Variants in NXPH1 observed in about 807,000 individuals in gnomAD.
NXPH1 encodes the protein neurexophilin 1.
In NXPH1, 5 loss-of-function variants were observed where a neutral mutation model predicts 23.7. That is an observed-to-expected ratio of 0.21 (90% CI 0.11 to 0.44). The LOEUF is 0.44. Ranked by LOEUF, NXPH1 falls within the 20% of genes least tolerant of loss-of-function variation. The pLI is 0.99. For synonymous variants in NXPH1, 144 were observed against 122.2 expected (o/e 1.18, Z -1.18); for missense variants, 324 against 321.6 (o/e 1.01, Z -0.06).
At chr7:8,486,789 G>C (rs909083703) in intron 2 of NXPH1, among the ~76,000 whole-genome samples, 28 of 151,982 alleles carry the variant, frequency 1.8e-4, no homozygotes, top group African/African-American at 5.8e-4. Flanking sequence ...CTCTCTATCT[G>C]GATAGGTCTC....
chr7:8,544,358 T>C (rs1166427373), intron 2 of NXPH1, among the ~76,000 whole-genome samples: 1 of 151,552 alleles, frequency 6.6e-6, no homozygotes. Flanking sequence ...ACCACGATTG[T>C]GTCAATCAGA....
At chr7:8,461,395 A>G (rs1029444322) in intron 2 of NXPH1, among the ~76,000 whole-genome samples, 22 of 152,218 alleles carry the variant, frequency 1.4e-4, no homozygotes, top group Admixed American at 5.2e-4. Flanking sequence ...TAGAAAACAT[A>G]AAAGAATTAA....
chr7:8,751,144 G>C lies in NXPH1; in HGVS notation c.191G>C (p.Arg64Pro). 1 of 1,613,790 alleles carries C rather than the reference G, an allele frequency of 6.2e-7. No individual in the cohort carries two copies. Among genetic ancestry groups the C allele is most frequent in the Non-Finnish European group, 8.5e-7 (1 of 1,179,784 alleles). ...SISRLLSQTF[R>P]GKENDTDLDL... is the part of the protein sequence containing the mutation. ...AGCCGACTCCTGTCACAGACTTTTC[G>C]TGGCAAAGAGAATGATACAGATTTG... Residue 64 changes from arginine (R) to proline (P), a missense_variant, in exon 3 of 3, where the codon CGT (arginine) becomes CCT (proline). Physicochemically the swap from Arg to Pro is moderately radical, Grantham distance 103. Coordinates refer to ENST00000405863, the MANE Select transcript of NXPH1 (RefSeq NM_152745.3). This position sits in a 1 kb window ranked among gnomAD's most constrained non-coding sequence, Gnocchi z 4.5.
chr7:8,594,722 T>G (rs1179583342), intron 2 of NXPH1, among the ~76,000 whole-genome samples: 1 of 151,990 alleles, frequency 6.6e-6, no homozygotes, highest in East Asian at 1.9e-4. Flanking sequence ...TCTTTGGAAG[T>G]CGACTTGACT....
chr7:8,448,807 T>C (rs1008082045), intron 2 of NXPH1, among the ~76,000 whole-genome samples: 1 of 124,368 alleles, frequency 8.0e-6, no homozygotes, highest in Non-Finnish European at 1.6e-5. Context: ...AGAGCAAGAC[T>C]TCGTCTCGGG....
chr7:8,549,423 A>C (rs1432961787), intron 2 of NXPH1, among the ~76,000 whole-genome samples: 1 of 151,554 alleles, frequency 6.6e-6, no homozygotes, highest in Non-Finnish European at 1.5e-5. Context: ...CTTTATTCTG[A>C]GTAAGTATAC....
intron 2 of NXPH1, among the ~76,000 whole-genome samples, chr7:8,684,497 C>A (rs1441810031): frequency 6.6e-6 from 1 of 152,112 alleles, no homozygotes; most frequent in African/African-American, 2.4e-5. Flanking sequence ...GAAGGAGAAA[C>A]TGATGCTTGA....
At chr7:8,747,055 T>G (rs140904118) in intron 2 of NXPH1, among the ~76,000 whole-genome samples, 2 of 152,302 alleles carry the variant, frequency 1.3e-5, no homozygotes, top group African/African-American at 4.8e-5. Flanking sequence ...TTCCAGGTAC[T>G]GTCCTTAGTA....
intron 2 of NXPH1, among the ~76,000 whole-genome samples, chr7:8,736,456 T>A (rs1196191952): frequency 6.6e-6 from 1 of 152,254 alleles, no homozygotes; most frequent in African/African-American, 2.4e-5. Flanking sequence ...AGTTTCTTAA[T>A]CTTGAGTTCT....
At chr7:8,492,726 T>G (rs1310012215) in intron 2 of NXPH1, among the ~76,000 whole-genome samples, 2 of 152,022 alleles carry the variant, frequency 1.3e-5, no homozygotes, top group South Asian at 2.1e-4. Flanking sequence ...ATAATGCTGA[T>G]GCTGTTTCTG....
intron 2 of NXPH1, among the ~76,000 whole-genome samples, chr7:8,559,820 A>T (rs190458505): frequency 6.6e-6 from 1 of 151,816 alleles, no homozygotes; most frequent in African/African-American, 2.4e-5. Context: ...AGTCTTCATG[A>T]TGTCACCAAT....
At position 8,614,309 on chromosome 7, in the gene NXPH1, C is replaced by T. The variant is rs140895783; in HGVS notation, c.55-136699C>T. Among the ~76,000 whole-genome samples the T allele has an allele frequency of 6.7e-3, 1,020 of 151,918 alleles. 10 individuals are homozygous for T. The highest frequency in any genetic ancestry group is 0.022 in the African/African-American group (914 of 41,508). On this transcript the variant is annotated intron_variant, in intron 2 of 2. Coordinates refer to ENST00000405863, the MANE Select transcript of NXPH1 (RefSeq NM_152745.3). Reference sequence around the variant, plus strand: ...TGTATTATTGGGTAAAAAATGCAAACATTGTAAGAATTTTATGTGTGCTCT... The same window carrying T: ...TGTATTATTGGGTAAAAAATGCAAATATTGTAAGAATTTTATGTGTGCTCT...
chr7:8,519,389 A>G (rs1325404725), intron 2 of NXPH1, among the ~76,000 whole-genome samples: 2 of 152,230 alleles, frequency 1.3e-5, no homozygotes, highest in African/African-American at 4.8e-5. Context: ...AATTCAGGAT[A>G]GCTTAGCCAT....
At chr7:8,603,683 G>C (rs1393999583) in intron 2 of NXPH1, among the ~76,000 whole-genome samples, 1 of 152,090 alleles carries the variant, frequency 6.6e-6, no homozygotes, top group African/African-American at 2.4e-5. Flanking sequence ...TGTTCTCTAA[G>C]TGACATTGAA....
At chr7:8,539,198 T>C (rs771581980) in intron 2 of NXPH1, among the ~76,000 whole-genome samples, 2 of 152,000 alleles carry the variant, frequency 1.3e-5, no homozygotes, top group East Asian at 1.9e-4. Context: ...AAAGCACCAC[T>C]ATCAGCTAAA....
intron 2 of NXPH1, among the ~76,000 whole-genome samples, chr7:8,540,030 G>C (rs909072563): frequency 2.6e-5 from 4 of 151,710 alleles, no homozygotes; most frequent in Non-Finnish European, 5.9e-5. Flanking sequence ...TAGTGGTTTT[G>C]TTGTATACTT....
At chr7:8,603,143 T>A (rs1348437180) in intron 2 of NXPH1, among the ~76,000 whole-genome samples, 2 of 152,204 alleles carry the variant, frequency 1.3e-5, no homozygotes, top group Non-Finnish European at 2.9e-5. Context: ...CTTAGCATAA[T>A]GCCTAGAATA....
chr7:8,578,040 C>T (rs1818788167), intron 2 of NXPH1, among the ~76,000 whole-genome samples: 1 of 152,154 alleles, frequency 6.6e-6, no homozygotes, highest in South Asian at 2.1e-4. Context: ...ACTACTTTTA[C>T]ATTTTTTCCC....
intron 2 of NXPH1, among the ~76,000 whole-genome samples, chr7:8,613,311 A>G (rs1416751894): frequency 6.6e-6 from 1 of 151,988 alleles, no homozygotes; most frequent in Non-Finnish European, 1.5e-5. Context: ...AATATAGTCT[A>G]TTGTCCAGGG....
Sources: allele counts gnomAD v4.1 joint callset (sites outside exome capture counted in the v4.1 genomes callset), GRCh38; gene constraint gnomAD v4.1.1; non-coding constraint Gnocchi (gnomAD v3.1); transcripts MANE v1.5; gene names NCBI Gene and HGNC (gene_info 2026-07-23, HGNC 2026-07-21).